SAMD7: variants seen among roughly 807,000 people sequenced by gnomAD.
The protein encoded by SAMD7 is sterile alpha motif domain containing 7.
A neutral mutation model predicts 36.7 loss-of-function variants in SAMD7; 34 were observed. That is an observed-to-expected ratio of 0.93 (90% CI 0.71 to 1.23). SAMD7 has a LOEUF of 1.23. SAMD7 is among the 50% of genes most tolerant of loss of function. The pLI is 0.00. For missense variants in SAMD7, 570 were observed against 546.6 expected (o/e 1.04, Z -0.43); for synonymous variants, 188 against 189.7 (o/e 0.99, Z 0.07).
At chr3:169,925,872 C>T (rs1256406085) in intron 5 of SAMD7, among the ~76,000 whole-genome samples, 5 of 152,148 alleles carry the variant, frequency 3.3e-5, no homozygotes, top group East Asian at 1.9e-4. Context: ...TTCAATTTTG[C>T]GCAAAGATAG....
intron 1 of SAMD7, among the ~76,000 whole-genome samples, chr3:169,914,149 A>C (rs1023826859): frequency 3.3e-5 from 5 of 152,150 alleles, no homozygotes; most frequent in Non-Finnish European, 5.9e-5. Flanking sequence ...ATTGTAGCAA[A>C]TGTACACTCT....
intron 7 of SAMD7, chr3:169,933,165 G>A (rs1713584779): frequency 5.4e-6 from 4 of 736,352 alleles, no homozygotes; most frequent in South Asian, 1.3e-5. Flanking sequence ...GGCCACCGTG[G>A]AGCAGTGCAC....
intron 2 of SAMD7, among the ~76,000 whole-genome samples, chr3:169,917,088 G>C (rs1314494361): frequency 6.6e-6 from 1 of 152,216 alleles, no homozygotes; most frequent in Non-Finnish European, 1.5e-5. Context: ...AAAGTAAATG[G>C]AGATAAAGAA....
rs777939899 is a variant in SAMD7, at chr3:169,936,437, A to C, written c.1140A>C (p.Lys380Asn). 1.2e-6 allele frequency: 2 copies of C among 1,603,382 alleles called. No homozygotes were observed. The highest frequency in any genetic ancestry group is 1.7e-6 in the Non-Finnish European group (2 of 1,170,678). The change falls in exon 8 of 9, where the codon AAA becomes AAC. Residue 380 changes from lysine to asparagine, a missense_variant. Coordinates refer to ENST00000335556, the MANE Select transcript of SAMD7 (RefSeq NM_001304366.2). ...TMGLKLGPAL[K>N]IQSQVSQHVG... ...GATTAAAGCTAGGGCCGGCACTAAA[A>C]ATTCAGTCACAGGTATGGTGATTTT...
rs1440368657 is a variant in SAMD7, at chr3:169,921,256, G to A, written c.129G>A (p.Gln43=). The change falls in exon 4 of 9, where the codon CAG becomes CAA. Residue 43 remains glutamine (Q), a synonymous_variant. Coordinates refer to ENST00000335556, the MANE Select transcript of SAMD7 (RefSeq NM_001304366.2). ...CCGTAGCTCCAACTGACCCAAGACA[G>A]TTTTGCGTTCCTTCCCAATTTGGAT... ...PSTVAPTDPR[Q]FCVPSQFGSS... The A allele has an allele frequency of 6.2e-7, 1 of 1,614,040 alleles. No homozygotes were observed. Among genetic ancestry groups the A allele is most frequent in the East Asian group, 2.2e-5 (1 of 44,886 alleles).
intron 7 of SAMD7, among the ~76,000 whole-genome samples, chr3:169,935,888 A>G (rs7652552): frequency 0.03 from 4,629 of 152,220 alleles, 222 homozygotes; most frequent in African/African-American, 0.11. Context: ...CCAAGCATCT[A>G]AGGCATGGCC....
chr3:169,938,729 G>A lies in SAMD7; in HGVS notation c.*223G>A. 2.6e-6 allele frequency: 1 copy of A among 390,508 alleles called. No individual in the cohort carries two copies. The highest frequency in any genetic ancestry group is 1.1e-4 in the South Asian group (1 of 9,394). The allele number at this position is 390,508 out of a possible 1,614,324, so 24.2% of individuals were successfully genotyped here. ...CGCATCCTTAGGAGCAAATGCTAAT[G>A]AAGGGGAGATTTACAAACATCAAGA... On this transcript the variant is annotated 3_prime_UTR_variant, in exon 9 of 9. Coordinates refer to ENST00000335556, the MANE Select transcript of SAMD7 (RefSeq NM_001304366.2).
chr3:169,926,018 G>C (rs987802833), intron 5 of SAMD7, among the ~76,000 whole-genome samples: 3 of 152,162 alleles, frequency 2.0e-5, no homozygotes, highest in Non-Finnish European at 2.9e-5. Context: ...TGGCCCCAGG[G>C]TAAGAGAAGG....
chr3:169,925,003 C>A (rs1041586035), intron 4 of SAMD7, 55 bp from the exon 5 acceptor site: 9 of 988,482 alleles, frequency 9.1e-6, no homozygotes, highest in East Asian at 2.6e-5. Flanking sequence ...TTATTATTTT[C>A]AAATGCATGT....
At chr3:169,915,257 A>T (rs1228652262) in intron 1 of SAMD7, 110 bp from the exon 2 acceptor site, 1 of 152,122 alleles carries the variant, frequency 6.6e-6, no homozygotes, top group Non-Finnish European at 1.5e-5. Context: ...ACATTAATTC[A>T]CTCAGCCTTT....
intron 6 of SAMD7, 35 bp from the exon 7 acceptor site, chr3:169,928,422 T>C: frequency 6.3e-7 from 1 of 1,581,014 alleles, no homozygotes; most frequent in Non-Finnish European, 8.7e-7. Context: ...TAAACCTGTA[T>C]GTATTTTATG....
chr3:169,932,203 A>T (rs948979326), intron 7 of SAMD7: 7 of 763,346 alleles, frequency 9.2e-6, no homozygotes, highest in Admixed American at 2.0e-5. Flanking sequence ...TTCCTAGGAG[A>T]CTGCAGCCCA....
chr3:169,925,688 T>C (rs1713230062), intron 5 of SAMD7, among the ~76,000 whole-genome samples: 1 of 152,196 alleles, frequency 6.6e-6, no homozygotes, highest in African/African-American at 2.4e-5. Flanking sequence ...ATTGCACCAC[T>C]GTGCTCCAGC....
Position 169,921,337 on chromosome 3 carries a change from A to G in SAMD7, c.210A>G (p.Pro70=), listed in dbSNP as rs748372253. ...MANVLSSRIY[P]GWGILPPESI... ...ATGTGTTGTCCAGTCGGATCTACCC[A>G]GGTATGAGCAATAGAAGTTTGGCTC... The change falls in exon 4 of 9, where the codon CCA becomes CCG. Residue 70 remains proline, a splice_region_variant and synonymous_variant. Coordinates refer to ENST00000335556, the MANE Select transcript of SAMD7 (RefSeq NM_001304366.2). The G allele has an allele frequency of 1.5e-5, 25 of 1,613,406 alleles. No homozygotes were observed. Among genetic ancestry groups the G allele is most frequent in the South Asian group, 9.9e-5 (9 of 91,050 alleles).
At chr3:169,933,032 G>A in intron 7 of SAMD7, 1 of 805,816 alleles carries the variant, frequency 1.2e-6, no homozygotes, top group Non-Finnish European at 2.2e-6. Flanking sequence ...GGAACAGACG[G>A]AACTACCTAA....
At chr3:169,919,917 G>A (rs929238031) in intron 3 of SAMD7, among the ~76,000 whole-genome samples, 7 of 152,240 alleles carry the variant, frequency 4.6e-5, no homozygotes, top group Non-Finnish European at 1.0e-4. Context: ...GCTCACGCCT[G>A]TAATCCCAGC....
At chr3:169,933,703 C>T (rs1713607903) in intron 7 of SAMD7, among the ~76,000 whole-genome samples, 1 of 152,336 alleles carries the variant, frequency 6.6e-6, no homozygotes, top group Admixed American at 6.5e-5. Flanking sequence ...GAAGATTCTA[C>T]TTTTTAGCTG....
chr3:169,930,344 A>G (rs1713434776), intron 7 of SAMD7, among the ~76,000 whole-genome samples: 2 of 152,098 alleles, frequency 1.3e-5, no homozygotes, highest in Non-Finnish European at 2.9e-5. Flanking sequence ...TAGTTTCCCC[A>G]TTAAAGTATA....
At chr3:169,914,617 A>T (rs551937450) in intron 1 of SAMD7, among the ~76,000 whole-genome samples, 2 of 152,340 alleles carry the variant, frequency 1.3e-5, no homozygotes, top group African/African-American at 4.8e-5. Context: ...TTTCAAAAAG[A>T]AAGCAAGCCA....
Sources: gnomAD v4.1 joint callset for allele counts (sites outside exome capture counted in the v4.1 genomes callset) on GRCh38, gnomAD v4.1.1 for gene constraint, MANE v1.5 for transcripts, NCBI Gene and HGNC (gene_info 2026-07-23, HGNC 2026-07-21) for gene names.